Variants in PAX1 observed in about 807,000 individuals in gnomAD.
PAX1 encodes the protein paired box 1.
In PAX1, 18 loss-of-function variants were observed where a neutral mutation model predicts 35.6. The observed-to-expected ratio is 0.50, with a 90% CI of 0.35 to 0.75. The LOEUF (loss-of-function observed/expected upper bound fraction) is 0.75. Ranked by LOEUF, PAX1 falls within the 30% of genes least tolerant of loss-of-function variation. PAX1 has a pLI of 0.01. For missense variants in PAX1, 760 were observed against 661.5 expected (o/e 1.15, Z -1.63); for synonymous variants, 397 against 305.2 (o/e 1.30, Z -3.14).
rs1478551416 is a variant in PAX1, at chr20:21,714,653, C to T, written c.*91C>T. 1 of 1,596,214 alleles carries T rather than the reference C, an allele frequency of 6.3e-7. No homozygotes were observed. Among genetic ancestry groups the T allele is most frequent in the Non-Finnish European group, 8.5e-7 (1 of 1,174,184 alleles). On this transcript the variant is annotated 3_prime_UTR_variant, in exon 5 of 5. Transcript: ENST00000613128. Reference sequence around the variant, plus strand: ...CGGCGGCCCCGGCAATCGGCACGGGCAGGATCGGAGGACTCGCGGAGGAGG... The same window carrying T: ...CGGCGGCCCCGGCAATCGGCACGGGTAGGATCGGAGGACTCGCGGAGGAGG...
At chr20:21,712,761 C>CTGTAA in intron 4 of PAX1, among the ~76,000 whole-genome samples, 1 of 152,214 alleles carries the variant, frequency 6.6e-6, no homozygotes, top group Non-Finnish European at 1.5e-5. Context: ...TGTCAAAGAG[C>CTGTAA]ACTAGGTCGC....
intron 4 of PAX1, among the ~76,000 whole-genome samples, chr20:21,710,419 G>C (rs1477788133): frequency 1.3e-5 from 2 of 152,176 alleles, no homozygotes; most frequent in Admixed American, 1.3e-4. Context: ...AACCAACCTG[G>C]GAAAGGAAAG....
In PAX1 at chr20:21,706,315, G is replaced by A. The variant is rs753261433; in HGVS notation, c.287-123G>A. ...TGCCCTTGGACTCCGAGCTGTCTGG[G>A]GACCCACAGGTCACCTTTGGAAGTG... On this transcript the variant is annotated intron_variant, in intron 1 of 4. Transcript: ENST00000613128. This position sits in a 1 kb window ranked among gnomAD's most constrained non-coding sequence, Gnocchi z 5.3. 9.8e-6 allele frequency: 13 copies of A among 1,320,804 alleles called. No individual in the cohort carries two copies. The South Asian group carries it at 1.5e-4, about 16-fold the overall frequency. 81.8% of individuals were successfully genotyped at this position (1,320,804 alleles called of 1,614,324 possible). A position where few individuals can be genotyped will look rare whatever the true frequency, so the allele number is the denominator to read the frequency against.
At chr20:21,708,509 C>T (rs1229227884) in intron 2 of PAX1, 49 bp from the exon 3 acceptor site, 1 of 1,610,390 alleles carries the variant, frequency 6.2e-7, no homozygotes, top group South Asian at 1.1e-5. Flanking sequence ...ACACGTGTGC[C>T]CAGGGCAGAT....
intron 4 of PAX1, among the ~76,000 whole-genome samples, chr20:21,710,761 C>T (rs935301808): frequency 6.6e-6 from 1 of 152,174 alleles, no homozygotes; most frequent in Non-Finnish European, 1.5e-5. Context: ...GAGAAAAATA[C>T]TTTTTCTATT....
At chr20:21,711,628 A>G (rs960756341) in intron 4 of PAX1, among the ~76,000 whole-genome samples, 1 of 152,218 alleles carries the variant, frequency 6.6e-6, no homozygotes, top group Non-Finnish European at 1.5e-5. Context: ...TAAAGGTTCT[A>G]ATAAAAGATA....
intron 2 of PAX1, 36 bp from the exon 3 acceptor site, chr20:21,708,522 G>A (rs769768726): frequency 1.9e-6 from 3 of 1,611,954 alleles, no homozygotes; most frequent in South Asian, 1.1e-5. Flanking sequence ...GGGCAGATTC[G>A]GAGGCACCTT....
Position 21,716,082 on chromosome 20 carries a change from G to A in PAX1, c.*1520G>A, listed in dbSNP as rs1985361403. The A allele has an allele frequency of 6.6e-6, 1 of 152,214 alleles. No homozygotes were observed. Among genetic ancestry groups the A allele is most frequent in the African/African-American group, 2.4e-5 (1 of 41,446 alleles). The allele number at this position is 152,214 out of a possible 1,614,324, so 9.4% of individuals were successfully genotyped here. Reference sequence around the variant, plus strand: ...GTTCCTAGGATGAACACTATCAAGGGAAATTATGCAGAAACCACCTTGAAA... The same window carrying A: ...GTTCCTAGGATGAACACTATCAAGGAAAATTATGCAGAAACCACCTTGAAA... On this transcript the variant is annotated 3_prime_UTR_variant, in exon 5 of 5. Coordinates refer to ENST00000613128, the MANE Select transcript of PAX1 (RefSeq NM_001257096.2).
In PAX1 at chr20:21,709,243, G is replaced by T. The variant is rs749682441; in HGVS notation, c.1081G>T (p.Val361Leu). ...YTQSASTLSA[V>L]GGFLPACAYP... ...ACAGTCGGCCTCCACCCTCTCTGCC[G>T]TGGGCGGCTTTCTCCCCGCCTGCGC... Residue 361 changes from valine (V) to leucine (L), a missense_variant, in exon 4 of 5, where the codon GTG (valine) becomes TTG (leucine). By Grantham distance (32) the Val-to-Leu change is conservative (BLOSUM62 1). Coordinates refer to ENST00000613128, the MANE Select transcript of PAX1 (RefSeq NM_001257096.2). 1.2e-6 allele frequency: 2 copies of T among 1,606,570 alleles called. No individual in the cohort carries two copies. Among genetic ancestry groups the T allele is most frequent in the East Asian group, 2.2e-5 (1 of 44,870 alleles).
In PAX1 at chr20:21,705,723, C is replaced by T. The variant is rs1269806101; in HGVS notation, c.11C>T (p.Thr4Ile). Residue 4 changes from threonine to isoleucine, a missense_variant, in exon 1 of 5, where the codon ACC becomes ATC. By Grantham distance (89) the Thr-to-Ile change is moderately conservative. This residue lies in a region of PAX1 where 222 missense variants were observed against 153.0 expected (regional missense o/e 1.45). Transcript: ENST00000613128. ...ATTTCTCCCAATCGGATGAAGTTCACCCTGGGCCTGGGGTCGCGGGCGTGG... is the reference window on the plus strand; with the variant it reads ...ATTTCTCCCAATCGGATGAAGTTCATCCTGGGCCTGGGGTCGCGGGCGTGG... MKF[T>I]LGLGSRAWRV... The T allele has an allele frequency of 2.4e-6, 3 of 1,247,650 alleles. No individual in the cohort carries two copies. The highest frequency in any genetic ancestry group is 2.0e-6 in the Non-Finnish European group (2 of 989,692). The allele number at this position is 1,247,650 out of a possible 1,614,324, so 77.3% of individuals were successfully genotyped here.
In PAX1 at chr20:21,714,739, G is replaced by A. The variant is rs1272800616; in HGVS notation, c.*177G>A. ...AGCCCCCAGGCCCAGCCCTGCCTCT[G>A]GCCGGACCCACCACACTTCCTTTAT... On this transcript the variant is annotated 3_prime_UTR_variant, in exon 5 of 5. Transcript: ENST00000613128. 2 of 1,604,042 alleles carry A rather than the reference G, an allele frequency of 1.2e-6. No individual in the cohort carries two copies. The highest frequency in any genetic ancestry group is 1.6e-4 in the Middle Eastern group (1 of 6,062).
At position 21,705,773 on chromosome 20, in the gene PAX1, G is replaced by A; in HGVS notation, c.61G>A (p.Ala21Thr). Residue 21 changes from alanine to threonine, a missense_variant, in exon 1 of 5, where the codon GCG becomes ACG. This residue lies in a region of PAX1 where 222 missense variants were observed against 153.0 expected (regional missense o/e 1.45). Coordinates refer to ENST00000613128, the MANE Select transcript of PAX1 (RefSeq NM_001257096.2). ...GAGAGTGTCCTGGGAGGGGGCAGCAGCGGCGGCGGCAGGCCCTGGAGCGGG... is the reference window on the plus strand; with the variant it reads ...GAGAGTGTCCTGGGAGGGGGCAGCAACGGCGGCGGCAGGCCCTGGAGCGGG... ...AWRVSWEGAA[A>T]AAAGPGAGGS... 6 of 1,262,292 alleles carry A rather than the reference G, an allele frequency of 4.8e-6. No homozygotes were observed. Among genetic ancestry groups the A allele is most frequent in the Non-Finnish European group, 6.0e-6 (6 of 1,003,162 alleles). The allele number at this position is 1,262,292 out of a possible 1,614,324, so 78.2% of individuals were successfully genotyped here.
In PAX1 at chr20:21,714,547, G is replaced by T; in HGVS notation, c.1359G>T (p.Pro453=). 1 of 1,592,974 alleles carries T rather than the reference G, an allele frequency of 6.3e-7. No individual in the cohort carries two copies. Among genetic ancestry groups the T allele is most frequent in the Non-Finnish European group, 8.5e-7 (1 of 1,171,102 alleles). Residue 453 remains proline, a synonymous_variant, in exon 5 of 5, where the codon CCG becomes CCT. Coordinates refer to ENST00000613128, the MANE Select transcript of PAX1 (RefSeq NM_001257096.2). The stretch of plus-strand genomic sequence containing the variant: ...GTAGCTTACACGGACTGCCCATCCC[G>T]GCCTCGACCTCCTAGGGGCAGCTCT... The part of the protein sequence containing the change: ...ALSSLHGLPI[P]ASTS
chr20:21,707,107 A>C (rs752862073), intron 2 of PAX1, 40 bp downstream of exon 2: 2 of 1,612,262 alleles, frequency 1.2e-6, no homozygotes, highest in South Asian at 2.2e-5. Context: ...ATTAAGGGGC[A>C]GAACCTGGGG....
chr20:21,711,247 A>G (rs1227675248), intron 4 of PAX1, among the ~76,000 whole-genome samples: 1 of 152,280 alleles, frequency 6.6e-6, no homozygotes, highest in Non-Finnish European at 1.5e-5. Context: ...AGAGGAATGC[A>G]TTTGTTTTCA....
Position 21,706,924 on chromosome 20 carries a change from G to C in PAX1, c.773G>C (p.Ser258Thr). 1 of 1,612,844 alleles carries C rather than the reference G, an allele frequency of 6.2e-7. No individual in the cohort carries two copies. Among genetic ancestry groups the C allele is most frequent in the Non-Finnish European group, 8.5e-7 (1 of 1,179,668 alleles). Residue 258 changes from serine to threonine, a missense_variant, in exon 2 of 5, where the codon AGT (serine) becomes ACT (threonine). Physicochemically the swap from Ser to Thr is moderately conservative, Grantham distance 58 (BLOSUM62 1). Coordinates refer to ENST00000613128, the MANE Select transcript of PAX1 (RefSeq NM_001257096.2). This position sits in a 1 kb window ranked among gnomAD's most constrained non-coding sequence, Gnocchi z 5.3. Reference protein sequence around the residue: ...YNHIYQYPYPSPVSPTGAKMG... With the variant: ...YNHIYQYPYPTPVSPTGAKMG... ...CACATCTACCAGTACCCCTACCCCA[G>C]TCCCGTGTCGCCCACGGGCGCCAAG...
In PAX1 at chr20:21,717,403, T is replaced by A. The variant is rs1985408425; in HGVS notation, c.*2841T>A. The A allele has an allele frequency of 6.6e-6, 1 of 152,288 alleles. No individual in the cohort carries two copies. Among genetic ancestry groups the A allele is most frequent in the South Asian group, 2.1e-4 (1 of 4,828 alleles). 9.4% of individuals were successfully genotyped at this position (152,288 alleles called of 1,614,324 possible). On this transcript the variant is annotated 3_prime_UTR_variant, in exon 5 of 5. Coordinates refer to ENST00000613128, the MANE Select transcript of PAX1 (RefSeq NM_001257096.2). ...CAATGCAGTAACGCGCACGGTGACC[T>A]GGCCTGTAGGAAGACTGCCACTGGT...
rs1329717406 is a variant in PAX1, at chr20:21,705,826, G to A, written c.114G>A (p.Gln38=). The A allele has an allele frequency of 7.4e-7, 1 of 1,348,630 alleles. No individual in the cohort carries two copies. The highest frequency in any genetic ancestry group is 1.5e-5 in the African/African-American group (1 of 65,166). The allele number at this position is 1,348,630 out of a possible 1,614,324, so 83.5% of individuals were successfully genotyped here. A position where few individuals can be genotyped will look rare whatever the true frequency, so the allele number is the denominator to read the frequency against. Residue 38 remains glutamine (Q), a synonymous_variant, in exon 1 of 5, where the codon CAG becomes CAA. Transcript: ENST00000613128. The part of the protein sequence containing the change: ...AGGSALRCRA[Q]RVSSPRLGRR... ...GCAGCGCGCTCCGCTGCCGCGCACA[G>A]CGCGTCTCCAGCCCGCGGCTGGGCC...
Position 21,707,057 on chromosome 20 carries a change from G to T in PAX1, c.906G>T (p.Met302Ile). The change falls in exon 2 of 5, where the codon ATG becomes ATT. Residue 302 changes from methionine (M) to isoleucine (I), a missense_variant. By Grantham distance (10) the Met-to-Ile change is conservative. Around this residue, in one of 3 missense-constraint regions of PAX1, gnomAD observed 490 missense variants for 428.4 expected, o/e 1.14. Transcript: ENST00000613128. ...ACATCCTGGGCATCCGGACGTTTAT[G>T]GAGCAAACAGGTCAGTTGTGGCGGC... Reference protein sequence around the residue: ...VSNILGIRTFMEQTGALAGSE... With the variant: ...VSNILGIRTFIEQTGALAGSE... 1 of 1,613,046 alleles carries T rather than the reference G, an allele frequency of 6.2e-7. No individual in the cohort carries two copies.
Sources: gnomAD v4.1 joint callset for allele counts (sites outside exome capture counted in the v4.1 genomes callset) on GRCh38, gnomAD v4.1.1 for gene constraint, gnomAD v4.1.1 regional missense constraint, Gnocchi (gnomAD v3.1) non-coding constraint, MANE v1.5 for transcripts, NCBI Gene and HGNC (gene_info 2026-07-23, HGNC 2026-07-21) for gene names.